FRS2: variants seen among roughly 807,000 people sequenced by gnomAD.
FRS2 encodes fibroblast growth factor receptor substrate 2.
A neutral mutation model predicts 43.9 loss-of-function variants in FRS2; 8 were observed. The ratio of observed to expected loss-of-function variants is 0.18; its 90% confidence interval spans 0.11 to 0.33. The LOEUF (loss-of-function observed/expected upper bound fraction) is 0.33, where lower values mean the gene tolerates loss of function less well. Among genes scored for constraint, FRS2 ranks in the 10% least tolerant of loss-of-function variants. The pLI, the probability that FRS2 is intolerant of heterozygous loss-of-function variation, is 1.00. For missense variants in FRS2, 534 were observed against 627.6 expected, an observed-to-expected ratio of 0.85 and a Z score of 1.59; for synonymous variants, 219 against 220.3, an observed-to-expected ratio of 0.99 and a Z score of 0.05.
At chr12:69,486,422 A>G (rs1871955455) in intron 1 of FRS2, 1 of 152,262 alleles carries the variant, frequency 6.6e-6, no homozygotes, top group African/African-American at 2.4e-5. Context: ...GAACTTGATC[A>G]ATAAATGTGT....
intron 3 of FRS2, among the ~76,000 whole-genome samples, chr12:69,556,101 A>G (rs1055633951): frequency 3.4e-4 from 51 of 151,766 alleles, no homozygotes; most frequent in African/African-American, 1.2e-3. Flanking sequence ...ATGTCCTGCT[A>G]TGTTGCACAG....
At chr12:69,539,944 G>T (rs529793520) in intron 3 of FRS2, among the ~76,000 whole-genome samples, 23 of 151,046 alleles carry the variant, frequency 1.5e-4, no homozygotes, top group Admixed American at 1.5e-3. Context: ...GACAGTGCGG[G>T]ACTCCGTCTC....
At chr12:69,485,134 C>CACACACACATACAT (rs1194988609) in intron 1 of FRS2, among the ~76,000 whole-genome samples, 1 of 134,272 alleles carries the variant, frequency 7.4e-6, no homozygotes, top group African/African-American at 2.9e-5. Context: ...CACACACACA[C>CACACACACATACAT]ACTCTCACCC....
rs71094722 is a variant in FRS2 at position 69,547,830 on chromosome 12, CTTTTTTTTTT to C, written c.-121-14333_-121-14324del. 9.5e-4 allele frequency among the ~76,000 whole-genome samples: 98 copies of C among 102,764 alleles called. No individual in the cohort carries two copies. The East Asian group carries it at 0.016, about 17-fold the overall frequency. The allele number at this position is 102,764 out of a possible 152,430, so 67.4% of individuals were successfully genotyped here. Reference sequence around the variant, plus strand: ...TTTTAGAAAAATGTATCCATTAATACTTTTTTTTTTTTTTTTTTTTTTTTTTGTGAGTCAG... The same window carrying C: ...TTTTAGAAAAATGTATCCATTAATACTTTTTTTTTTTTTTTTGTGAGTCAG... On this transcript the variant is annotated intron_variant, in intron 3 of 8. Coordinates refer to ENST00000549921, the MANE Select transcript of FRS2 (RefSeq NM_001278356.2).
intron 1 of FRS2, among the ~76,000 whole-genome samples, chr12:69,522,514 GTCTA>G (rs948409540): frequency 1.8e-4 from 28 of 151,986 alleles, no homozygotes; most frequent in African/African-American, 3.9e-4. Flanking sequence ...CTAGCTAGCA[GTCTA>G]TCTATTAATT....
chr12:69,539,885 G>T (rs956040798), intron 3 of FRS2, among the ~76,000 whole-genome samples: 1 of 152,144 alleles, frequency 6.6e-6, no homozygotes, highest in Admixed American at 6.5e-5. Context: ...AACCCAGGAG[G>T]TGGAGGTTGC....
intron 1 of FRS2, among the ~76,000 whole-genome samples, chr12:69,471,984 G>A (rs1870339735): frequency 6.6e-6 from 1 of 152,210 alleles, no homozygotes; most frequent in Non-Finnish European, 1.5e-5. Flanking sequence ...TTTATTTCAA[G>A]GTTGTTGATT....
At chr12:69,509,290 A>G (rs1467119391) in intron 1 of FRS2, among the ~76,000 whole-genome samples, 3 of 152,258 alleles carry the variant, frequency 2.0e-5, no homozygotes. Context: ...TAGGGAGAAG[A>G]TTGGTTTTCA....
chr12:69,563,354 G>T lies in FRS2; in HGVS notation c.-27+1080G>T, dbSNP rs140677510. Among the ~76,000 whole-genome samples, 1,416 of 152,300 alleles carry T rather than the reference G, an allele frequency of 9.3e-3. 24 individuals are homozygous for T. Among genetic ancestry groups the T allele is most frequent in the African/African-American group, 0.031 (1,307 of 41,554 alleles). On this transcript the variant is annotated intron_variant, in intron 4 of 8. Transcript: ENST00000549921. ...ATTGGCCACAACTGCCCATGTTCCAGCTGTGTCTATCCCTCACTCATGCTA... is the reference window on the plus strand; with the variant it reads ...ATTGGCCACAACTGCCCATGTTCCATCTGTGTCTATCCCTCACTCATGCTA...
chr12:69,527,146 T>C (rs1247933580), intron 1 of FRS2, among the ~76,000 whole-genome samples: 1 of 152,066 alleles, frequency 6.6e-6, no homozygotes, highest in Non-Finnish European at 1.5e-5. Flanking sequence ...AAACCAATTA[T>C]TGTGCTTTGC....
intron 3 of FRS2, among the ~76,000 whole-genome samples, chr12:69,555,581 T>C (rs1272785737): frequency 1.3e-5 from 2 of 152,174 alleles, no homozygotes; most frequent in African/African-American, 4.8e-5. Flanking sequence ...GATCCACTTA[T>C]AGATGGATTT....
chr12:69,556,069 C>G (rs1879321485), intron 3 of FRS2, among the ~76,000 whole-genome samples: 1 of 150,378 alleles, frequency 6.6e-6, no homozygotes, highest in African/African-American at 2.4e-5. Context: ...CAATATTAGA[C>G]TTTAAAAAAA....
intron 7 of FRS2, among the ~76,000 whole-genome samples, chr12:69,571,709 A>G (rs1056779299): frequency 6.6e-6 from 1 of 151,900 alleles, no homozygotes; most frequent in Non-Finnish European, 1.5e-5. Context: ...AAAAAATACA[A>G]AAAAATTAGC....
chr12:69,498,038 T>G, intron 1 of FRS2, among the ~76,000 whole-genome samples: 1 of 151,912 alleles, frequency 6.6e-6, no homozygotes, highest in African/African-American at 2.4e-5. Context: ...TATGTGTACA[T>G]TAACTTTAAC....
In FRS2 at chr12:69,577,266, C is replaced by T. The variant is rs1881255138; in HGVS notation, c.*2311C>T. The T allele has an allele frequency of 6.6e-6, 1 of 152,024 alleles. No individual in the cohort carries two copies. Among genetic ancestry groups the T allele is most frequent in the African/African-American group, 2.4e-5 (1 of 41,410 alleles). 9.4% of individuals were successfully genotyped at this position (152,024 alleles called of 1,614,324 possible). A position where few individuals can be genotyped will look rare whatever the true frequency, so the allele number is the denominator to read the frequency against. On this transcript the variant is annotated 3_prime_UTR_variant, in exon 9 of 9. Coordinates refer to ENST00000549921, the MANE Select transcript of FRS2 (RefSeq NM_001278356.2). ...TCTGCTAAGAATTTGATTTTAGGTACTATAAGAGTATTAGGAAAATATATA... is the reference window on the plus strand; with the variant it reads ...TCTGCTAAGAATTTGATTTTAGGTATTATAAGAGTATTAGGAAAATATATA...
intron 1 of FRS2, among the ~76,000 whole-genome samples, chr12:69,472,205 G>T (rs1312778063): frequency 1.3e-5 from 2 of 151,512 alleles, no homozygotes; most frequent in Non-Finnish European, 2.9e-5. Context: ...TTCTGTCTCA[G>T]ACTCCTGAGT....
chr12:69,562,089 AT>A (rs1192285696), intron 3 of FRS2, 90 bp from the exon 4 acceptor site: 1 of 394,060 alleles, frequency 2.5e-6, no homozygotes, highest in South Asian at 1.4e-4. Context: ...GTTTAAATAG[AT>A]TAACTGAACT....
intron 3 of FRS2, among the ~76,000 whole-genome samples, chr12:69,550,243 A>G (rs1565766864): frequency 1.3e-5 from 2 of 152,180 alleles, no homozygotes; most frequent in African/African-American, 4.8e-5. Flanking sequence ...CTAATCAATC[A>G]TCAGGTGTTA....
At chr12:69,498,452 C>T (rs985960866) in intron 1 of FRS2, among the ~76,000 whole-genome samples, 3 of 151,188 alleles carry the variant, frequency 2.0e-5, no homozygotes, top group Middle Eastern at 3.2e-3. Flanking sequence ...GCGGTTCATG[C>T]GGCCCAGGAT....
Sources: gnomAD v4.1 joint callset for allele counts (sites outside exome capture counted in the v4.1 genomes callset) on GRCh38, gnomAD v4.1.1 for gene constraint, MANE v1.5 for transcripts, NCBI Gene and HGNC (gene_info 2026-07-23, HGNC 2026-07-21) for gene names.